CACNA1G: variants seen among roughly 807,000 people sequenced by gnomAD.
The protein encoded by CACNA1G is voltage-dependent T-type calcium channel subunit alpha-1G.
CACNA1G carries 67 observed loss-of-function variants against 219.4 expected under a neutral mutation model. The observed-to-expected ratio is 0.31, with a 90% CI of 0.25 to 0.37. The LOEUF is 0.37. Ranked by LOEUF, CACNA1G falls within the 10% of genes least tolerant of loss-of-function variation. The pLI, the probability that CACNA1G is intolerant of heterozygous loss-of-function variation, is 1.00. For synonymous variants in CACNA1G, 1,296 were observed against 1,345.3 expected, an observed-to-expected ratio of 0.96 and a Z score of 0.80; for missense variants, 2,380 against 3,231.4, an observed-to-expected ratio of 0.74 and a Z score of 6.39.
rs553839069 is a variant in CACNA1G, at chr17:50,602,802, G to C, written c.3916-18G>C. On this transcript the variant is annotated intron_variant, in intron 19 of 37. Transcript: ENST00000359106. ...GGGGGCTTCCTGGCGGGCAACCCCT[G>C]CCTCCCCTCTCTTGCAGGAACGCAT... 3 of 1,613,068 alleles carry C rather than the reference G, an allele frequency of 1.9e-6. No homozygotes were observed. The highest frequency in any genetic ancestry group is 2.5e-6 in the Non-Finnish European group (3 of 1,179,488).
intron 4 of CACNA1G, among the ~76,000 whole-genome samples, chr17:50,570,557 C>CTCTGTGTGTGTGTGTGTG (rs6146086): frequency 7.5e-6 from 1 of 132,614 alleles, no homozygotes; most frequent in Admixed American, 7.5e-5. Flanking sequence ...CCCCTGCGCT[C>CTCTGTGTGTGTGTGTGTG]TGTGTGTGTG....
chr17:50,597,312 C>T (rs1264826766), intron 16 of CACNA1G, among the ~76,000 whole-genome samples: 2 of 152,104 alleles, frequency 1.3e-5, no homozygotes, highest in African/African-American at 4.8e-5. Flanking sequence ...TACTCCGAAG[C>T]ATTCTAAATG....
At chr17:50,562,428 C>A (rs1004053840) in intron 1 of CACNA1G, among the ~76,000 whole-genome samples, 17 of 151,742 alleles carry the variant, frequency 1.1e-4, no homozygotes, top group Non-Finnish European at 2.1e-4. Flanking sequence ...GAGCTGTCTG[C>A]CCCCGGAGCT....
At position 50,617,393 on chromosome 17, in the gene CACNA1G, G is replaced by T. The variant is rs1322474500; in HGVS notation, c.5022-45G>T. ...GTGCCACGACTGCCCCCTCCTTCAG[G>T]AACCCCCTCCCCCAACTCAGGGAGC... On this transcript the variant is annotated intron_variant, in intron 28 of 37. Transcript: ENST00000359106. The surrounding 1 kb of genome is among the most constrained non-coding windows in gnomAD (Gnocchi z 5.8). 8.2e-6 allele frequency: 13 copies of T among 1,577,590 alleles called. No individual in the cohort carries two copies. The highest frequency in any genetic ancestry group is 1.0e-5 in the Non-Finnish European group (12 of 1,157,086).
In CACNA1G at chr17:50,617,328, A is replaced by T; in HGVS notation, c.5022-110A>T. The T allele has an allele frequency of 8.1e-7, 1 of 1,228,536 alleles. No individual in the cohort carries two copies. Among genetic ancestry groups the T allele is most frequent in the Non-Finnish European group, 1.1e-6 (1 of 889,334 alleles). The allele number at this position is 1,228,536 out of a possible 1,614,324, so 76.1% of individuals were successfully genotyped here. On this transcript the variant is annotated intron_variant, in intron 28 of 37. Coordinates refer to ENST00000359106, the MANE Select transcript of CACNA1G (RefSeq NM_018896.5). This position sits in a 1 kb window ranked among gnomAD's most constrained non-coding sequence, Gnocchi z 5.8. ...TCTTCTCTGTGGGATGGGAGGCTGGACCCGCTGATGTCTGCCCTCCTTTCA... is the reference window on the plus strand; with the variant it reads ...TCTTCTCTGTGGGATGGGAGGCTGGTCCCGCTGATGTCTGCCCTCCTTTCA...
rs1317706005 is a variant in CACNA1G at position 50,618,878 on chromosome 17, C to T, written c.5651C>T (p.Ser1884Leu). ...AAGACCCTCAGCCCCCAGCCCCACT[C>T]GCCACTGGGCAGCCCCTTCCTCTGG... ...EMKTLSPQPH[S>L]PLGSPFLWPG... Residue 1884 changes from serine to leucine, a missense_variant, in exon 33 of 38, where the codon TCG (serine) becomes TTG (leucine). By Grantham distance (145) the Ser-to-Leu change is moderately radical (BLOSUM62 -2). Transcript: ENST00000359106. This position sits in a 1 kb window ranked among gnomAD's most constrained non-coding sequence, Gnocchi z 5.3. The T allele has an allele frequency of 6.8e-6, 11 of 1,612,206 alleles. No individual in the cohort carries two copies. The East Asian group carries it at 1.1e-4, about 16-fold the overall frequency.
At position 50,572,885 on chromosome 17, in the gene CACNA1G, C is replaced by T. The variant is rs1751726171; in HGVS notation, c.1047+31C>T. The T allele has an allele frequency of 3.1e-6, 5 of 1,601,872 alleles. No homozygotes were observed. In the African/African-American group the frequency reaches 4.0e-5, roughly 13 times the overall value. On this transcript the variant is annotated intron_variant, in intron 6 of 37. Transcript: ENST00000359106. ...GCAGCCTGGGCCCCGGGAGCTTCCC[C>T]AGAACACCAGCCCCAGGACACAGCC...
Position 50,578,461 on chromosome 17 carries a change from G to A in CACNA1G, c.2198G>A (p.Cys733Tyr). ...GTGCTGGCCTTCTGGAGGCTAATCT[G>A]TGACACCTTCCGAAAGATTGTGGAC... ...SSVLAFWRLI[C>Y]DTFRKIVDSK... Residue 733 changes from cysteine (C) to tyrosine (Y), a missense_variant, in exon 9 of 38, where the codon TGT becomes TAT. Around this residue, in one of 17 missense-constraint regions of CACNA1G, gnomAD observed 434 missense variants for 417.3 expected, o/e 1.04. Coordinates refer to ENST00000359106, the MANE Select transcript of CACNA1G (RefSeq NM_018896.5). The surrounding 1 kb of genome is among the most constrained non-coding windows in gnomAD (Gnocchi z 4.5). 1.3e-6 allele frequency: 2 copies of A among 1,597,290 alleles called. No homozygotes were observed. The highest frequency in any genetic ancestry group is 1.7e-6 in the Non-Finnish European group (2 of 1,169,864).
intron 34 of CACNA1G, among the ~76,000 whole-genome samples, chr17:50,620,261 C>T (rs1465362405): frequency 1.3e-5 from 2 of 152,154 alleles, no homozygotes; most frequent in African/African-American, 2.4e-5. Context: ...TCTATCTGCT[C>T]GTGTCCAGCA....
chr17:50,607,593 C>T (rs557655604), intron 24 of CACNA1G: 4 of 518,558 alleles, frequency 7.7e-6, no homozygotes, highest in African/African-American at 5.7e-5. Flanking sequence ...TGCATTCCCT[C>T]AAGGCAGGAG....
At position 50,589,493 on chromosome 17, in the gene CACNA1G, C is replaced by T. The variant is rs544169510; in HGVS notation, c.2302-978C>T. Among the ~76,000 whole-genome samples, 8 of 152,248 alleles carry T rather than the reference C, an allele frequency of 5.3e-5. 1 individual carries two copies. In the South Asian group the frequency reaches 1.2e-3, roughly 24 times the overall value. Reference sequence around the variant, plus strand: ...TAGCAGACACTGAGCTCCTGGGAGGCGGGGCGTGTGGCTGGCATGTTTTTG... The same window carrying T: ...TAGCAGACACTGAGCTCCTGGGAGGTGGGGCGTGTGGCTGGCATGTTTTTG... On this transcript the variant is annotated intron_variant, in intron 9 of 37. Transcript: ENST00000359106.
intron 9 of CACNA1G, among the ~76,000 whole-genome samples, chr17:50,584,645 G>T (rs369741240): frequency 1.9e-4 from 29 of 152,182 alleles, no homozygotes; most frequent in African/African-American, 6.7e-4. Context: ...GCACATCAAA[G>T]AATCAAAGTG....
At chr17:50,599,987 C>A in intron 17 of CACNA1G, 128 bp downstream of exon 17, 1 of 928,328 alleles carries the variant, frequency 1.1e-6, no homozygotes, top group Non-Finnish European at 1.6e-6. Flanking sequence ...ACCTAGAAAC[C>A]GAGCTCCAAA....
chr17:50,565,217 G>A (rs936431214), intron 1 of CACNA1G, among the ~76,000 whole-genome samples: 2 of 152,182 alleles, frequency 1.3e-5, no homozygotes, highest in African/African-American at 4.8e-5. Context: ...AGATTCCAGC[G>A]GGCCGTCTCT....
chr17:50,609,766 A>C, intron 25 of CACNA1G, 116 bp from the exon 26 acceptor site: 1 of 834,986 alleles, frequency 1.2e-6, no homozygotes, highest in South Asian at 1.6e-5. Flanking sequence ...CAATGGGCTC[A>C]GCGCACCCCA....
chr17:50,589,595 T>C (rs562204828), intron 9 of CACNA1G, among the ~76,000 whole-genome samples: 4 of 152,062 alleles, frequency 2.6e-5, no homozygotes, highest in Non-Finnish European at 5.9e-5. Flanking sequence ...GAATGGCAGA[T>C]GAGACAGGGT....
chr17:50,591,048 C>T (rs752462417), intron 10 of CACNA1G, among the ~76,000 whole-genome samples: 1 of 152,138 alleles, frequency 6.6e-6, no homozygotes, highest in Non-Finnish European at 1.5e-5. Flanking sequence ...GTTTCCAAGA[C>T]CTTGGGAAAG....
chr17:50,614,832 C>T (rs1174696528), intron 26 of CACNA1G, among the ~76,000 whole-genome samples: 1 of 152,232 alleles, frequency 6.6e-6, no homozygotes, highest in Non-Finnish European at 1.5e-5. Context: ...CTGGGTGGGT[C>T]AGTGCAGCCA....
chr17:50,594,492 C>T lies in CACNA1G; in HGVS notation c.2911-501C>T, dbSNP rs537683768. On this transcript the variant is annotated intron_variant, in intron 13 of 37. Coordinates refer to ENST00000359106, the MANE Select transcript of CACNA1G (RefSeq NM_018896.5). ...ACCCATTCCCCAAGCCCACTGCCTC[C>T]GAACCGGTGAGAGGAGAGTGGTGTT... 3.3e-4 allele frequency among the ~76,000 whole-genome samples: 51 copies of T among 152,304 alleles called. No individual in the cohort carries two copies. In the South Asian group the frequency reaches 6.6e-3, roughly 20 times the overall value.
Sources: gnomAD v4.1 joint callset for allele counts (sites outside exome capture counted in the v4.1 genomes callset) on GRCh38, gnomAD v4.1.1 for gene constraint, gnomAD v4.1.1 regional missense constraint, Gnocchi (gnomAD v3.1) non-coding constraint, MANE v1.5 for transcripts, NCBI Gene and HGNC (gene_info 2026-07-23, HGNC 2026-07-21) for gene names.